MFHAS1: variants seen among roughly 807,000 people sequenced by gnomAD.
MFHAS1 encodes the protein multifunctional ROCO family signaling regulator 1, also known as malignant fibrous histiocytoma-amplified sequence 1.
In MFHAS1, 50 loss-of-function variants were observed where a neutral mutation model predicts 70.4. The ratio of observed to expected loss-of-function variants is 0.71; its 90% CI spans 0.57 to 0.90. The LOEUF (loss-of-function observed/expected upper bound fraction) is 0.90, where lower values mean the gene tolerates loss of function less well. Ranked by LOEUF, MFHAS1 falls within the 40% of genes least tolerant of loss-of-function variation. The pLI is 0.00. For missense variants in MFHAS1, 1,795 were observed against 1,347.6 expected (o/e 1.33, Z -5.20); for synonymous variants, 952 against 620.0 (o/e 1.54, Z -7.96).
chr8:8,814,608 C>G (rs911613990), intron 1 of MFHAS1, among the ~76,000 whole-genome samples: 1 of 152,134 alleles, frequency 6.6e-6, no homozygotes, highest in African/African-American at 2.4e-5. Context: ...AAGTCACAGA[C>G]TGGGAGAAAA....
intron 1 of MFHAS1, among the ~76,000 whole-genome samples, chr8:8,869,765 A>T (rs79306070): frequency 0.016 from 2,411 of 152,262 alleles, 74 homozygotes; most frequent in African/African-American, 0.054. Context: ...TAAATCAGTC[A>T]TGCTTTCTGT....
At chr8:8,856,012 G>T (rs1415098386) in intron 1 of MFHAS1, among the ~76,000 whole-genome samples, 1 of 152,170 alleles carries the variant, frequency 6.6e-6, no homozygotes, top group Non-Finnish European at 1.5e-5. Context: ...TGCCAAATAA[G>T]CCTCCTCACT....
chr8:8,840,031 CAT>C (rs900417088), intron 1 of MFHAS1, among the ~76,000 whole-genome samples: 6 of 152,262 alleles, frequency 3.9e-5, no homozygotes, highest in African/African-American at 1.4e-4. Flanking sequence ...TATATATACA[CAT>C]ATATGTTTGT....
intron 1 of MFHAS1, among the ~76,000 whole-genome samples, chr8:8,805,676 T>C (rs115641923): frequency 6.3e-4 from 96 of 152,192 alleles, no homozygotes; most frequent in African/African-American, 2.2e-3. Flanking sequence ...TGACAACCTT[T>C]TGTTTGGAGG....
In MFHAS1 at chr8:8,854,872, T is replaced by C. The variant is rs543159028; in HGVS notation, c.2998+35189A>G. The stretch of plus-strand genomic sequence containing the variant: ...TCTGAAATTCAAATTTAACTGGCTA[T>C]CCTGTTTTTTTGGTTTTGGGTTTTT... On this transcript the variant is annotated intron_variant, in intron 1 of 2. Coordinates refer to ENST00000276282, the MANE Select transcript of MFHAS1 (RefSeq NM_004225.3). Among the ~76,000 whole-genome samples, 13 of 152,244 alleles carry C rather than the reference T, an allele frequency of 8.5e-5. No homozygotes were observed. In the South Asian group the frequency reaches 2.5e-3, roughly 29 times the overall value.
chr8:8,857,196 CAG>C (rs1480971970), intron 1 of MFHAS1, among the ~76,000 whole-genome samples: 1 of 152,134 alleles, frequency 6.6e-6, no homozygotes, highest in Non-Finnish European at 1.5e-5. Flanking sequence ...AAGATTTAAA[CAG>C]AAAGTTCATG....
At chr8:8,796,717 C>T (rs1400985831) in intron 2 of MFHAS1, among the ~76,000 whole-genome samples, 1 of 100,706 alleles carries the variant, frequency 9.9e-6, no homozygotes, top group Non-Finnish European at 2.1e-5. Context: ...AAAAAAAGGC[C>T]GGACGTGGTG....
chr8:8,795,393 T>C (rs1805858267), intron 2 of MFHAS1, among the ~76,000 whole-genome samples: 1 of 152,246 alleles, frequency 6.6e-6, no homozygotes, highest in Non-Finnish European at 1.5e-5. Context: ...GGTGCAAAAG[T>C]AATTGTGCAA....
At chr8:8,801,529 G>C (rs1025439344) in intron 1 of MFHAS1, among the ~76,000 whole-genome samples, 1 of 152,150 alleles carries the variant, frequency 6.6e-6, no homozygotes, top group Admixed American at 6.5e-5. Context: ...TTTAAGAAAC[G>C]TGCACAGTTC....
chr8:8,815,538 G>C (rs1265235410), intron 1 of MFHAS1, among the ~76,000 whole-genome samples: 1 of 152,122 alleles, frequency 6.6e-6, no homozygotes, highest in Non-Finnish European at 1.5e-5. Flanking sequence ...GTTGCTTCTT[G>C]ACTTTTTAAT....
chr8:8,798,114 A>G (rs1055470086), intron 1 of MFHAS1, among the ~76,000 whole-genome samples: 1 of 152,184 alleles, frequency 6.6e-6, no homozygotes, highest in Admixed American at 6.5e-5. Flanking sequence ...GATCACCACA[A>G]TACTTAAAGG....
At chr8:8,864,185 G>C (rs1439661935) in intron 1 of MFHAS1, among the ~76,000 whole-genome samples, 4 of 152,194 alleles carry the variant, frequency 2.6e-5, no homozygotes, top group Non-Finnish European at 5.9e-5. Context: ...TTGGCTTTCT[G>C]TGCGGCAAGC....
intron 1 of MFHAS1, among the ~76,000 whole-genome samples, chr8:8,857,765 A>G (rs547543441): frequency 6.6e-6 from 1 of 151,928 alleles, no homozygotes; most frequent in South Asian, 2.1e-4. Flanking sequence ...GTCTCAAAAA[A>G]AAAACAAAAA....
chr8:8,864,146 T>C (rs1014362266), intron 1 of MFHAS1, among the ~76,000 whole-genome samples: 1 of 152,220 alleles, frequency 6.6e-6, no homozygotes, highest in Admixed American at 6.5e-5. Context: ...TAAAGCCTTC[T>C]TCCCTGGCAA....
At chr8:8,883,331 C>G (rs572661181) in intron 1 of MFHAS1, among the ~76,000 whole-genome samples, 1 of 152,138 alleles carries the variant, frequency 6.6e-6, no homozygotes, top group Non-Finnish European at 1.5e-5. Flanking sequence ...CACCCACCCG[C>G]TGGTTTTCAA....
chr8:8,819,687 C>G (rs1183833626), intron 1 of MFHAS1, among the ~76,000 whole-genome samples: 1 of 151,538 alleles, frequency 6.6e-6, no homozygotes, highest in African/African-American at 2.4e-5. Flanking sequence ...TGGCTGTGGA[C>G]AGAACAGACA....
Position 8,785,346 on chromosome 8 carries a change from A to G in MFHAS1, c.*676T>C, listed in dbSNP as rs1487009320. On this transcript the variant is annotated 3_prime_UTR_variant, in exon 3 of 3. Coordinates refer to ENST00000276282, the MANE Select transcript of MFHAS1 (RefSeq NM_004225.3). ...TTAAGGTTCTTTCTGATTATTGGCA[A>G]TCTCTATGAACCAACACTTAATCCA... is the stretch of plus-strand genomic sequence containing the variant. 2.0e-5 allele frequency: 3 copies of G among 152,050 alleles called. No homozygotes were observed. In the East Asian group the frequency reaches 5.8e-4, roughly 29 times the overall value. The allele number at this position is 152,050 out of a possible 1,614,324, so 9.4% of individuals were successfully genotyped here.
At chr8:8,888,460 T>C (rs1809854678) in intron 1 of MFHAS1, among the ~76,000 whole-genome samples, 1 of 151,992 alleles carries the variant, frequency 6.6e-6, no homozygotes, top group Non-Finnish European at 1.5e-5. Context: ...GTCTGGTTTG[T>C]GCTTAGGACA....
chr8:8,799,735 G>C (rs550444708), intron 1 of MFHAS1, among the ~76,000 whole-genome samples: 1 of 152,326 alleles, frequency 6.6e-6, no homozygotes, highest in East Asian at 1.9e-4. Flanking sequence ...CAACCCGGGC[G>C]ACAGAGTGAG....
Sources: allele counts gnomAD v4.1 joint callset (sites outside exome capture counted in the v4.1 genomes callset), GRCh38; gene constraint gnomAD v4.1.1; transcripts MANE v1.5; gene names NCBI Gene and HGNC (gene_info 2026-07-23, HGNC 2026-07-21).